ANXA8: variants seen among roughly 807,000 people sequenced by gnomAD.
ANXA8 encodes VAC-beta.
Under a neutral mutation model 26.8 loss-of-function variants are expected in ANXA8, and 9 were observed. The observed-to-expected ratio is 0.34, with a 90% CI of 0.20 to 0.59. The LOEUF (loss-of-function observed/expected upper bound fraction) is 0.59, where lower values mean the gene tolerates loss of function less well. Among genes scored for constraint, ANXA8 ranks in the 20% least tolerant of loss-of-function variants. The pLI, the probability that ANXA8 is intolerant of heterozygous loss-of-function variation, is 0.84. For missense variants in ANXA8, 83 were observed against 238.5 expected, an observed-to-expected ratio of 0.35 and a Z score of 4.29; for synonymous variants, 39 against 94.8, an observed-to-expected ratio of 0.41 and a Z score of 3.42.
At chr10:47,696,093 A>G in the ANXA8 span, among the ~76,000 whole-genome samples, 3 of 151,846 alleles carry the variant, frequency 2.0e-5, no homozygotes, top group Admixed American at 1.3e-4. Flanking sequence ...ATTATTTTTG[A>G]TGTATCAGAA....
chr10:47,900,237 A>T, the ANXA8 span, among the ~76,000 whole-genome samples: 1 of 150,914 alleles, frequency 6.6e-6, no homozygotes, highest in East Asian at 2.0e-4. Context: ...TATCAACAAC[A>T]TACCAATAAA....
upstream of ANXA8, among the ~76,000 whole-genome samples, chr10:47,488,713 ATTTTTT>A (rs1160121365): frequency 6.3e-4 from 39 of 62,104 alleles, no homozygotes; most frequent in African/African-American, 2.6e-3. Context: ...TACATGTTAA[ATTTTTT>A]TTTTTTTTTT....
chr10:47,502,183 C>T, the ANXA8 span: 51 of 1,543,962 alleles, frequency 3.3e-5, 8 homozygotes, highest in Non-Finnish European at 4.1e-5. Flanking sequence ...CATCTCGGGC[C>T]ATGACGTCCA....
the ANXA8 span, among the ~76,000 whole-genome samples, chr10:47,594,985 A>G: frequency 6.7e-6 from 1 of 149,474 alleles, no homozygotes; most frequent in South Asian, 2.1e-4. Flanking sequence ...GGTTAACACA[A>G]AAGAAAAAAC....
chr10:47,497,334 G>T, the ANXA8 span, among the ~76,000 whole-genome samples: 2 of 119,126 alleles, frequency 1.7e-5, no homozygotes, highest in Non-Finnish European at 3.4e-5. Flanking sequence ...AAAAAAAAAA[G>T]GCCAGGCGCA....
At chr10:47,736,946 C>T in the ANXA8 span, among the ~76,000 whole-genome samples, 16 of 151,898 alleles carry the variant, frequency 1.1e-4, no homozygotes, top group Middle Eastern at 6.8e-3. Context: ...TGAACCACTG[C>T]GCCCAGCCTT....
At chr10:47,529,249 G>GA in the ANXA8 span, among the ~76,000 whole-genome samples, 5 of 142,314 alleles carry the variant, frequency 3.5e-5, 1 homozygote, top group African/African-American at 1.3e-4. Context: ...TAAGAGAATG[G>GA]AAAAAATGAG....
the ANXA8 span, among the ~76,000 whole-genome samples, chr10:47,980,901 G>A: frequency 2.6e-5 from 4 of 151,450 alleles, no homozygotes; most frequent in Admixed American, 2.0e-4. Flanking sequence ...ATTTAAAAAA[G>A]ATTATTGTCA....
At chr10:47,554,369 G>C in the ANXA8 span, among the ~76,000 whole-genome samples, 2 of 149,980 alleles carry the variant, frequency 1.3e-5, no homozygotes, top group Admixed American at 6.6e-5. Flanking sequence ...GGGACCAACA[G>C]ACTCTGAGGG....
the ANXA8 span, among the ~76,000 whole-genome samples, chr10:47,718,181 T>C: frequency 6.6e-6 from 1 of 152,266 alleles, no homozygotes; most frequent in Non-Finnish European, 1.5e-5. Flanking sequence ...TTTTTACATA[T>C]TTTTTTAGGC....
At chr10:47,698,792 C>A in the ANXA8 span, among the ~76,000 whole-genome samples, 1 of 151,978 alleles carries the variant, frequency 6.6e-6, no homozygotes, top group African/African-American at 2.4e-5. Flanking sequence ...TGTACCACAG[C>A]ACTTCTGCCT....
chr10:47,688,714 C>T, the ANXA8 span, among the ~76,000 whole-genome samples: 1 of 151,484 alleles, frequency 6.6e-6, no homozygotes, highest in African/African-American at 2.4e-5. Context: ...AACCACTGTG[C>T]TCTGCCCCAA....
chr10:47,944,624 A>G, the ANXA8 span, among the ~76,000 whole-genome samples: 25 of 150,400 alleles, frequency 1.7e-4, 1 homozygote, highest in East Asian at 4.1e-4. Context: ...ATGCTGAATA[A>G]GTCTCATGAG....
rs1456877559 is a variant in ANXA8 at position 47,483,902 on chromosome 10, C to T, written c.21+11G>A. 18 of 1,611,652 alleles carry T rather than the reference C, an allele frequency of 1.1e-5. No individual in the cohort carries two copies. Among genetic ancestry groups the T allele is most frequent in the Non-Finnish European group, 1.4e-5 (16 of 1,179,860 alleles). On this transcript the variant is annotated intron_variant, in intron 1 of 11. Transcript: ENST00000585281. ...TGCAGGAACCCAAATCTCCTGCCAG[C>T]TCCCACTTACCCAGGATTTCCACCA... is the stretch of plus-strand genomic sequence containing the variant.
At chr10:47,944,622 TA>T in the ANXA8 span, among the ~76,000 whole-genome samples, 2 of 150,482 alleles carry the variant, frequency 1.3e-5, no homozygotes, top group Non-Finnish European at 2.9e-5. Flanking sequence ...TGATGCTGAA[TA>T]AGTCTCATGA....
At chr10:47,651,095 A>G in the ANXA8 span, among the ~76,000 whole-genome samples, 1 of 151,296 alleles carries the variant, frequency 6.6e-6, no homozygotes, top group African/African-American at 2.4e-5. Flanking sequence ...GCTAGTCGAG[A>G]AGCTGAGGTG....
the ANXA8 span, among the ~76,000 whole-genome samples, chr10:47,703,731 G>A: frequency 2.9e-4 from 43 of 150,704 alleles, no homozygotes; most frequent in South Asian, 8.6e-3. Context: ...ATCTCCCCAG[G>A]ATACCAGCTT....
intron 11 of ANXA8, among the ~76,000 whole-genome samples, chr10:47,469,284 A>T (rs1839231964): frequency 6.6e-6 from 1 of 151,300 alleles, no homozygotes. Flanking sequence ...GCAGCTTGGG[A>T]ATCAAGGCTG....
At chr10:47,750,427 AATTTT>A in the ANXA8 span, among the ~76,000 whole-genome samples, 1 of 116,048 alleles carries the variant, frequency 8.6e-6, no homozygotes, top group African/African-American at 3.2e-5. Context: ...AATTGATCTA[AATTTT>A]ATTTATTTAT....
Sources: gnomAD v4.1 joint callset for allele counts (sites outside exome capture counted in the v4.1 genomes callset) on GRCh38, gnomAD v4.1.1 for gene constraint, MANE v1.5 for transcripts, NCBI Gene and HGNC (gene_info 2026-07-23, HGNC 2026-07-21) for gene names.